The following CACNA2D1 variants were observed in gnomAD, a reference collection of about 807,000 sequenced individuals.
CACNA2D1 encodes the protein voltage-dependent calcium channel subunit alpha-2/delta-1.
A neutral mutation model predicts 171.5 loss-of-function variants in CACNA2D1; 53 were observed. That is an observed-to-expected ratio of 0.31 (90% confidence interval 0.25 to 0.39). CACNA2D1 has a LOEUF of 0.39. Ranked by LOEUF, CACNA2D1 falls within the 10% of genes least tolerant of loss-of-function variation. The pLI is 1.00. For missense variants in CACNA2D1, 903 were observed against 1,299.8 expected, an observed-to-expected ratio of 0.69 and a Z score of 4.69; for synonymous variants, 442 against 443.1, an observed-to-expected ratio of 1.00 and a Z score of 0.03.
rs868549107 is a variant in CACNA2D1 at position 82,192,486 on chromosome 7, G to T, written c.295-21877C>A. 4.3e-5 allele frequency among the ~76,000 whole-genome samples: 5 copies of T among 117,208 alleles called. No homozygotes were observed. In the East Asian group the frequency reaches 1.0e-3, roughly 25 times the overall value. The allele number at this position is 117,208 out of a possible 152,430, so 76.9% of individuals were successfully genotyped here. A position where few individuals can be genotyped will look rare whatever the true frequency, so the allele number is the denominator to read the frequency against. On this transcript the variant is annotated intron_variant, in intron 3 of 38. Coordinates refer to ENST00000356860, the MANE Select transcript of CACNA2D1 (RefSeq NM_000722.4). Reference sequence around the variant, plus strand: ...TGTGTGTGTGTGTGTGTGTGTGTGTGTGTGTGTGTGTGTGTGTGTGTGTGA... The same window carrying T: ...TGTGTGTGTGTGTGTGTGTGTGTGTTTGTGTGTGTGTGTGTGTGTGTGTGA...
Position 82,269,122 on chromosome 7 carries a change from A to G in CACNA2D1, c.294+66013T>C, listed in dbSNP as rs573069432. On this transcript the variant is annotated intron_variant, in intron 3 of 38. Coordinates refer to ENST00000356860, the MANE Select transcript of CACNA2D1 (RefSeq NM_000722.4). Reference sequence around the variant, plus strand: ...GACCTACACATAGTCCCTCTTTCCTATATCTCCCATCGCCTCTATTTGCAG... The same window carrying G: ...GACCTACACATAGTCCCTCTTTCCTGTATCTCCCATCGCCTCTATTTGCAG... 7.2e-5 allele frequency among the ~76,000 whole-genome samples: 11 copies of G among 152,156 alleles called. 1 individual carries two copies. The South Asian group carries it at 2.3e-3, about 32-fold the overall frequency.
chr7:82,333,220 T>C (rs1216269650), intron 3 of CACNA2D1, among the ~76,000 whole-genome samples: 1 of 152,168 alleles, frequency 6.6e-6, no homozygotes, highest in East Asian at 1.9e-4. Context: ...AAAATCCCAG[T>C]AGACATTTTC....
chr7:82,343,437 T>G (rs1470946722), intron 2 of CACNA2D1, among the ~76,000 whole-genome samples: 2 of 152,178 alleles, frequency 1.3e-5, no homozygotes, highest in Non-Finnish European at 2.9e-5. Context: ...ATGTTATACA[T>G]AGAACAGGTG....
chr7:82,138,439 TG>T (rs1173827904), intron 4 of CACNA2D1, among the ~76,000 whole-genome samples: 18,194 of 90,256 alleles, frequency 0.2, 2,015 homozygotes, highest in East Asian at 0.36. Context: ...TTGTTTTTTT[TG>T]TTTTTTTTGT....
At chr7:82,032,080 G>A (rs1218454708) in intron 12 of CACNA2D1, among the ~76,000 whole-genome samples, 1 of 151,868 alleles carries the variant, frequency 6.6e-6, no homozygotes, top group Non-Finnish European at 1.5e-5. Flanking sequence ...GCTGATAATA[G>A]GACGGCTAGA....
intron 12 of CACNA2D1, among the ~76,000 whole-genome samples, chr7:82,017,961 T>A (rs566961101): frequency 1.3e-5 from 2 of 152,288 alleles, no homozygotes; most frequent in South Asian, 2.1e-4. Context: ...ATATTTATAA[T>A]CACAACACTA....
intron 6 of CACNA2D1, among the ~76,000 whole-genome samples, chr7:82,097,670 G>A (rs964183033): frequency 6.6e-6 from 1 of 152,150 alleles, no homozygotes; most frequent in Non-Finnish European, 1.5e-5. Context: ...TTTAAAAAAG[G>A]CAATCAGAGT....
chr7:82,027,566 G>C (rs1802090246), intron 12 of CACNA2D1: 1 of 151,612 alleles, frequency 6.6e-6, no homozygotes, highest in South Asian at 2.1e-4. Context: ...AATGTATAAG[G>C]TCTTCTATTG....
chr7:82,443,514 G>T lies in CACNA2D1; in HGVS notation c.-55C>A. 6.3e-7 allele frequency: 1 copy of T among 1,583,482 alleles called. No homozygotes were observed. The highest frequency in any genetic ancestry group is 2.3e-5 in the East Asian group (1 of 43,012). On this transcript the variant is annotated 5_prime_UTR_variant, in exon 1 of 39. Coordinates refer to ENST00000356860, the MANE Select transcript of CACNA2D1 (RefSeq NM_000722.4). ...CTGCCCAAGCGGGGGAAGGAGCGGC[G>T]CTGGAAACCGCGGGCGGAGGAAGAG...
chr7:82,412,924 T>C (rs749994800), intron 1 of CACNA2D1, among the ~76,000 whole-genome samples: 2 of 152,078 alleles, frequency 1.3e-5, no homozygotes, highest in Admixed American at 6.5e-5. Flanking sequence ...TTTTCTCAAA[T>C]GACAAAAGGA....
At position 81,959,312 on chromosome 7, in the gene CACNA2D1, C is replaced by T. The variant is rs1185643286; in HGVS notation, c.3122G>A (p.Arg1041Gln). The part of the protein sequence containing the change: ...PCDMVKQPRY[R>Q]KGPDVCFDNN... ...ATCAAAGCAGACATCAGGCCCTTTTCGGTATCTGGGTTGCTTAACCATGTC... is the reference window on the plus strand; with the variant it reads ...ATCAAAGCAGACATCAGGCCCTTTTTGGTATCTGGGTTGCTTAACCATGTC... The change falls in exon 38 of 39, where the codon CGA becomes CAA. Residue 1041 changes from arginine to glutamine, a missense_variant. Transcript: ENST00000356860. 2 of 1,611,514 alleles carry T rather than the reference C, an allele frequency of 1.2e-6. No homozygotes were observed. Among genetic ancestry groups the T allele is most frequent in the Admixed American group, 1.7e-5 (1 of 59,888 alleles).
chr7:82,377,059 G>A (rs1563454517), intron 1 of CACNA2D1, among the ~76,000 whole-genome samples: 1 of 152,048 alleles, frequency 6.6e-6, no homozygotes, highest in Non-Finnish European at 1.5e-5. Context: ...CATGTTAAAG[G>A]CACAAAAAAT....
In CACNA2D1 at chr7:82,347,468, T is replaced by C. The variant is rs546317829; in HGVS notation, c.177+2100A>G. On this transcript the variant is annotated intron_variant, in intron 2 of 38. Transcript: ENST00000356860. Reference sequence around the variant, plus strand: ...AATTTGTAATTTGAAGAACCTTCATTTCTACAATAATAAATTTCTAACTGG... The same window carrying C: ...AATTTGTAATTTGAAGAACCTTCATCTCTACAATAATAAATTTCTAACTGG... Among the ~76,000 whole-genome samples the C allele has an allele frequency of 3.9e-5, 6 of 152,190 alleles. No homozygotes were observed. In the East Asian group the frequency reaches 9.6e-4, roughly 24 times the overall value.
intron 8 of CACNA2D1, 127 bp from the exon 9 acceptor site, chr7:82,064,481 G>C: frequency 3.3e-6 from 2 of 605,704 alleles, no homozygotes; most frequent in Non-Finnish European, 6.1e-6. Context: ...TTCTATCTAA[G>C]TAGACAATGG....
At chr7:82,230,430 G>A (rs1216549194) in intron 3 of CACNA2D1, among the ~76,000 whole-genome samples, 1 of 152,174 alleles carries the variant, frequency 6.6e-6, no homozygotes, top group Non-Finnish European at 1.5e-5. Context: ...ATGAAAAATT[G>A]TGATGCAGTG....
intron 21 of CACNA2D1, among the ~76,000 whole-genome samples, chr7:81,987,870 G>C (rs1310803169): frequency 6.6e-6 from 1 of 152,132 alleles, no homozygotes; most frequent in East Asian, 1.9e-4. Context: ...AATGTGTGAA[G>C]GGACTATCAG....
At chr7:82,340,125 C>G (rs969916298) in intron 2 of CACNA2D1, among the ~76,000 whole-genome samples, 3 of 152,068 alleles carry the variant, frequency 2.0e-5, no homozygotes, top group Admixed American at 1.3e-4. Flanking sequence ...TGTTTTAAAC[C>G]AATAAGTTTT....
chr7:82,280,111 G>T (rs1263907302), intron 3 of CACNA2D1, among the ~76,000 whole-genome samples: 6 of 151,728 alleles, frequency 4.0e-5, no homozygotes, highest in African/African-American at 1.4e-4. Flanking sequence ...CAAAAAGAAG[G>T]ACTAAAAATA....
intron 1 of CACNA2D1, among the ~76,000 whole-genome samples, chr7:82,396,580 C>T (rs947722312): frequency 1.3e-5 from 2 of 152,324 alleles, no homozygotes; most frequent in Admixed American, 6.5e-5. Context: ...TACTTCTTTA[C>T]GTCTAAATAG....
Sources: gnomAD v4.1 joint callset for allele counts (sites outside exome capture counted in the v4.1 genomes callset) on GRCh38, gnomAD v4.1.1 for gene constraint, MANE v1.5 for transcripts, NCBI Gene and HGNC (gene_info 2026-07-23, HGNC 2026-07-21) for gene names.